FBXL17: variants seen among roughly 807,000 people sequenced by gnomAD.
FBXL17 encodes F-box/LRR-repeat protein 17.
FBXL17 carries 22 observed loss-of-function variants against 66.2 expected under a neutral mutation model. The ratio of observed to expected loss-of-function variants is 0.33; its 90% CI spans 0.24 to 0.47. FBXL17 has a LOEUF of 0.47. Among genes scored for constraint, FBXL17 ranks in the 20% least tolerant of loss-of-function variants. The pLI is 1.00. For missense variants in FBXL17, 878 were observed against 948.2 expected (o/e 0.93, Z 0.97); for synonymous variants, 474 against 400.5 (o/e 1.18, Z -2.19).
At position 108,381,897 on chromosome 5, in the gene FBXL17, G is replaced by C. The variant is rs1454190298; in HGVS notation, c.-206C>G. On this transcript the variant is annotated 5_prime_UTR_variant, in exon 1 of 9. Coordinates refer to ENST00000542267, the MANE Select transcript of FBXL17 (RefSeq NM_001163315.3). ...CCGGAGTGCCCGACGGGGGCTACAT[G>C]CTTTGCCCAGGGAAGCCGGGAGAAC... is the stretch of plus-strand genomic sequence containing the variant. 1.3e-5 allele frequency: 17 copies of C among 1,281,872 alleles called. No individual in the cohort carries two copies. The highest frequency in any genetic ancestry group is 1.7e-5 in the Non-Finnish European group (17 of 1,014,918). 79.4% of individuals were successfully genotyped at this position (1,281,872 alleles called of 1,614,324 possible).
At chr5:108,002,067 G>T (rs1753750285) in intron 7 of FBXL17, among the ~76,000 whole-genome samples, 1 of 152,002 alleles carries the variant, frequency 6.6e-6, no homozygotes, top group African/African-American at 2.4e-5. Context: ...CCAGGTTGGA[G>T]TGCAATGGTG....
At chr5:108,288,509 A>G (rs1022049455) in intron 4 of FBXL17, among the ~76,000 whole-genome samples, 1 of 138,562 alleles carries the variant, frequency 7.2e-6, no homozygotes, top group Non-Finnish European at 1.6e-5. Flanking sequence ...CAAGTTACAA[A>G]AAGGAGGGAA....
At chr5:107,942,859 C>T (rs1156809364) in intron 7 of FBXL17, among the ~76,000 whole-genome samples, 1 of 152,038 alleles carries the variant, frequency 6.6e-6, no homozygotes, top group African/African-American at 2.4e-5. Context: ...CCTCACCTTC[C>T]ACTTGCTTCT....
At chr5:108,087,882 T>G (rs1174112156) in intron 6 of FBXL17, among the ~76,000 whole-genome samples, 1 of 152,228 alleles carries the variant, frequency 6.6e-6, no homozygotes, top group Non-Finnish European at 1.5e-5. Context: ...GCTGGAAACC[T>G]ACTTAAAATT....
At position 108,212,591 on chromosome 5, in the gene FBXL17, G is replaced by A. The variant is rs182848500; in HGVS notation, c.1614+11530C>T. 8.5e-4 allele frequency among the ~76,000 whole-genome samples: 130 copies of A among 152,270 alleles called. 1 individual carries two copies. The highest frequency in any genetic ancestry group is 2.8e-3 in the Admixed American group (43 of 15,298). On this transcript the variant is annotated intron_variant, in intron 5 of 8. Coordinates refer to ENST00000542267, the MANE Select transcript of FBXL17 (RefSeq NM_001163315.3). Reference sequence around the variant, plus strand: ...GGCCCCTCTGCTGCTGTCTGCTGGAGTCTGCTGGTGGTCCACCCCTGACCC... The same window carrying A: ...GGCCCCTCTGCTGCTGTCTGCTGGAATCTGCTGGTGGTCCACCCCTGACCC...
chr5:108,009,521 G>C (rs979103803), intron 7 of FBXL17, among the ~76,000 whole-genome samples: 8 of 151,254 alleles, frequency 5.3e-5, no homozygotes, highest in African/African-American at 1.9e-4. Context: ...CACGGAGGCT[G>C]GATCAGCCAT....
intron 4 of FBXL17, 55 bp downstream of exon 4, chr5:108,348,344 G>A: frequency 6.9e-7 from 1 of 1,442,076 alleles, no homozygotes; most frequent in Non-Finnish European, 9.4e-7. Flanking sequence ...AAACTTGAAA[G>A]AATTCGAAGG....
At chr5:108,150,440 GT>G (rs1035022248) in intron 6 of FBXL17, among the ~76,000 whole-genome samples, 1 of 152,152 alleles carries the variant, frequency 6.6e-6, no homozygotes, top group African/African-American at 2.4e-5. Context: ...CTGAGCTCAA[GT>G]AATCCTCTGG....
intron 5 of FBXL17, among the ~76,000 whole-genome samples, chr5:108,207,757 A>G (rs576211134): frequency 1.2e-4 from 18 of 152,274 alleles, no homozygotes; most frequent in Non-Finnish European, 2.6e-4. Flanking sequence ...AGTCTTTGCT[A>G]TTGTGAATAG....
At chr5:108,340,729 A>G (rs1479465271) in intron 4 of FBXL17, among the ~76,000 whole-genome samples, 1 of 152,184 alleles carries the variant, frequency 6.6e-6, no homozygotes, top group Non-Finnish European at 1.5e-5. Flanking sequence ...TATGTCACCA[A>G]AATATTTGAA....
intron 8 of FBXL17, chr5:107,878,973 G>A: frequency 1.0e-6 from 1 of 985,384 alleles, no homozygotes; most frequent in Non-Finnish European, 1.2e-6. Context: ...CCAGGAAAAG[G>A]GCTAAAACCC....
chr5:108,280,750 C>T (rs1010252944), intron 4 of FBXL17, among the ~76,000 whole-genome samples: 1 of 150,796 alleles, frequency 6.6e-6, no homozygotes, highest in African/African-American at 2.4e-5. Context: ...AAACATGATC[C>T]AACTATATGC....
At chr5:108,122,902 T>A (rs549479402) in intron 6 of FBXL17, among the ~76,000 whole-genome samples, 1 of 152,072 alleles carries the variant, frequency 6.6e-6, no homozygotes, top group Non-Finnish European at 1.5e-5. Context: ...GGCAGTGCTA[T>A]CGCACTCATT....
At chr5:108,224,669 G>T (rs1350731350) in intron 4 of FBXL17, among the ~76,000 whole-genome samples, 1 of 152,086 alleles carries the variant, frequency 6.6e-6, no homozygotes, top group Non-Finnish European at 1.5e-5. Flanking sequence ...TCGACTCACT[G>T]CAACCTCCGC....
chr5:108,329,832 G>A lies in FBXL17; in HGVS notation c.1506+18567C>T, dbSNP rs188835248. Reference sequence around the variant, plus strand: ...TTAAAACACAGTATACAATATATGAGAGGTTAACAGTCCAGGCTCGGGAAC... The same window carrying A: ...TTAAAACACAGTATACAATATATGAAAGGTTAACAGTCCAGGCTCGGGAAC... On this transcript the variant is annotated intron_variant, in intron 4 of 8. Transcript: ENST00000542267. 3.6e-3 allele frequency among the ~76,000 whole-genome samples: 547 copies of A among 152,134 alleles called. 1 individual carries two copies. Among genetic ancestry groups the A allele is most frequent in the Non-Finnish European group, 6.1e-3 (414 of 67,962 alleles).
At chr5:108,201,908 A>G (rs1753913998) in intron 5 of FBXL17, among the ~76,000 whole-genome samples, 1 of 152,052 alleles carries the variant, frequency 6.6e-6, no homozygotes, top group Admixed American at 6.6e-5. Flanking sequence ...TCTTGGATAA[A>G]GACTGACCTC....
chr5:108,150,367 C>T (rs1751723188), intron 6 of FBXL17, among the ~76,000 whole-genome samples: 2 of 152,132 alleles, frequency 1.3e-5, no homozygotes, highest in African/African-American at 4.8e-5. Context: ...CCACACTTGG[C>T]TAACTTTTTT....
At chr5:107,892,142 CTGTA>C (rs1303448809) in intron 7 of FBXL17, among the ~76,000 whole-genome samples, 1 of 152,014 alleles carries the variant, frequency 6.6e-6, no homozygotes, top group Non-Finnish European at 1.5e-5. Flanking sequence ...AACAAAATGG[CTGTA>C]TGAGAACTCT....
At chr5:108,335,359 T>G (rs1304386698) in intron 4 of FBXL17, among the ~76,000 whole-genome samples, 3 of 141,620 alleles carry the variant, frequency 2.1e-5, no homozygotes, top group Non-Finnish European at 4.8e-5. Flanking sequence ...AAAAAATACG[T>G]TTTTTTTTTA....
Sources: allele counts gnomAD v4.1 joint callset (sites outside exome capture counted in the v4.1 genomes callset), GRCh38; gene constraint gnomAD v4.1.1; transcripts MANE v1.5; gene names NCBI Gene and HGNC (gene_info 2026-07-23, HGNC 2026-07-21).